The following CEP63 variants were observed in gnomAD, a reference collection of about 807,000 sequenced individuals.
CEP63 encodes centrosomal protein of 63 kDa.
A neutral mutation model predicts 89.1 loss-of-function variants in CEP63; 84 were observed. The ratio of observed to expected loss-of-function variants is 0.94; its 90% CI spans 0.79 to 1.13. The LOEUF is 1.13. CEP63 is among the 50% of genes most tolerant of loss of function. The pLI, the probability that CEP63 is intolerant of heterozygous loss-of-function variation, is 0.00. For missense variants in CEP63, 838 were observed against 813.3 expected (o/e 1.03, Z -0.37); for synonymous variants, 267 against 272.5 (o/e 0.98, Z 0.20).
intron 1 of CEP63, among the ~76,000 whole-genome samples, chr3:134,493,493 T>C (rs1311282311): frequency 6.6e-6 from 1 of 152,088 alleles, no homozygotes; most frequent in East Asian, 1.9e-4. Context: ...CTTTAGGTTT[T>C]TATTTTTGCA....
chr3:134,653,829 A>G, the CEP63 span, among the ~76,000 whole-genome samples: 1 of 152,132 alleles, frequency 6.6e-6, no homozygotes, highest in Non-Finnish European at 1.5e-5. Flanking sequence ...TCCCTACCAA[A>G]CCCACACATG....
chr3:134,589,947 A>G (rs1958566849), downstream of CEP63, among the ~76,000 whole-genome samples: 1 of 152,224 alleles, frequency 6.6e-6, no homozygotes, highest in Non-Finnish European at 1.5e-5. Context: ...GTCTTTTCAG[A>G]AACATGGATG....
At chr3:134,486,441 G>T in intron 1 of CEP63, 3 of 985,620 alleles carry the variant, frequency 3.0e-6, no homozygotes, top group Non-Finnish European at 3.6e-6. Context: ...GGCCCGCTAT[G>T]CCCTGCACAC....
At chr3:134,674,219 G>T in the CEP63 span, among the ~76,000 whole-genome samples, 1 of 152,086 alleles carries the variant, frequency 6.6e-6, no homozygotes, top group Non-Finnish European at 1.5e-5. Flanking sequence ...CCAAATCTGG[G>T]AACATATAAA....
the CEP63 span, among the ~76,000 whole-genome samples, chr3:134,747,971 A>C: frequency 6.6e-6 from 1 of 152,138 alleles, no homozygotes; most frequent in Non-Finnish European, 1.5e-5. Flanking sequence ...TTTTTAGTAG[A>C]GACAGGGTTT....
downstream of CEP63, among the ~76,000 whole-genome samples, chr3:134,579,898 A>T (rs1184242559): frequency 1.3e-5 from 2 of 152,196 alleles, no homozygotes; most frequent in Admixed American, 6.5e-5. Context: ...AACATGGATG[A>T]AACACTAAAA....
At chr3:134,548,190 A>T (rs973174227) in intron 9 of CEP63, among the ~76,000 whole-genome samples, 8 of 152,144 alleles carry the variant, frequency 5.3e-5, no homozygotes, top group Non-Finnish European at 1.2e-4. Flanking sequence ...TTATTTCCAC[A>T]TTTCTGTACT....
At chr3:134,512,883 A>G (rs1432017104) in intron 3 of CEP63, among the ~76,000 whole-genome samples, 1 of 152,204 alleles carries the variant, frequency 6.6e-6, no homozygotes, top group African/African-American at 2.4e-5. Context: ...TGTAATTATA[A>G]GCAGACTTGT....
the CEP63 span, among the ~76,000 whole-genome samples, chr3:134,749,793 G>A: frequency 7.5e-6 from 1 of 133,604 alleles, no homozygotes; most frequent in Admixed American, 7.8e-5. Context: ...GACCAGCAGA[G>A]AATTGATCAT....
chr3:134,608,304 T>C, the CEP63 span: 5 of 1,233,010 alleles, frequency 4.1e-6, no homozygotes, highest in Non-Finnish European at 5.2e-6. Flanking sequence ...CTCACCCAGC[T>C]AGGAAGTGCC....
the CEP63 span, among the ~76,000 whole-genome samples, chr3:134,635,493 T>TAA: frequency 0.34 from 26,645 of 79,166 alleles, 5,278 homozygotes; most frequent in African/African-American, 0.39. Context: ...CGAGACTCTG[T>TAA]AAAAAAAAAA....
chr3:134,551,950 C>T lies in CEP63; in HGVS notation c.1405C>T (p.Leu469Phe). ...HKEILDQLES[L>F]KLENRHLSEM... ...GGAGATTTTGGATCAGCTGGAGTCA[C>T]TCAAATTAGAAAATCGTCATCTTTC... is the stretch of plus-strand genomic sequence containing the variant. The change falls in exon 12 of 15, where the codon CTC becomes TTC. Residue 469 changes from leucine (L) to phenylalanine (F), a missense_variant. By Grantham distance (22) the Leu-to-Phe change is conservative. Coordinates refer to ENST00000675561, the MANE Select transcript of CEP63 (RefSeq NM_001353108.3). 1 of 1,609,380 alleles carries T rather than the reference C, an allele frequency of 6.2e-7. No individual in the cohort carries two copies.
At chr3:134,665,324 C>T in the CEP63 span, among the ~76,000 whole-genome samples, 1 of 152,224 alleles carries the variant, frequency 6.6e-6, no homozygotes, top group Non-Finnish European at 1.5e-5. Context: ...AGGCTCCTCC[C>T]ACCCCATCCA....
At chr3:134,611,329 C>T in the CEP63 span, among the ~76,000 whole-genome samples, 1 of 152,186 alleles carries the variant, frequency 6.6e-6, no homozygotes, top group East Asian at 1.9e-4. Flanking sequence ...CCCTGAGGCC[C>T]AGGCCTGGGC....
downstream of CEP63, chr3:134,565,039 T>G: frequency 1.1e-6 from 1 of 907,512 alleles, no homozygotes; most frequent in East Asian, 1.2e-4. Context: ...AAATCTGAGT[T>G]AGTGTCTTAA....
chr3:134,589,013 T>C (rs1467167515), downstream of CEP63, among the ~76,000 whole-genome samples: 2 of 152,124 alleles, frequency 1.3e-5, no homozygotes, highest in African/African-American at 4.8e-5. Flanking sequence ...ACAAGAAGAA[T>C]TAGAAAATCT....
At position 134,545,857 on chromosome 3, in the gene CEP63, G is replaced by A. The variant is rs967799775; in HGVS notation, c.789+38G>A. On this transcript the variant is annotated intron_variant, in intron 7 of 14. Coordinates refer to ENST00000675561, the MANE Select transcript of CEP63 (RefSeq NM_001353108.3). Reference sequence around the variant, plus strand: ...ATCACTATAATTGGGGGAAGTGTGTGTATGAGTATTTTAAGAGAGTGTTAT... The same window carrying A: ...ATCACTATAATTGGGGGAAGTGTGTATATGAGTATTTTAAGAGAGTGTTAT... 5 of 1,434,170 alleles carry A rather than the reference G, an allele frequency of 3.5e-6. No individual in the cohort carries two copies. The South Asian group carries it at 4.8e-5, about 14-fold the overall frequency. 88.8% of individuals were successfully genotyped at this position (1,434,170 alleles called of 1,614,324 possible).
chr3:134,762,201 C>T, the CEP63 span, among the ~76,000 whole-genome samples: 4 of 152,110 alleles, frequency 2.6e-5, no homozygotes, highest in African/African-American at 7.2e-5. Flanking sequence ...ATCAGTCAGC[C>T]GAAAGGTAGT....
the CEP63 span, among the ~76,000 whole-genome samples, chr3:134,621,519 A>ATAAACTTCTAC: frequency 2.0e-5 from 3 of 152,204 alleles, no homozygotes; most frequent in Non-Finnish European, 4.4e-5. Context: ...TCCACATGCA[A>ATAAACTTCTAC]AAGAATAAAC....
Sources: allele counts gnomAD v4.1 joint callset (sites outside exome capture counted in the v4.1 genomes callset), GRCh38; gene constraint gnomAD v4.1.1; transcripts MANE v1.5; gene names NCBI Gene and HGNC (gene_info 2026-07-23, HGNC 2026-07-21).